Variants in CD96 observed in about 807,000 individuals in gnomAD.
CD96 encodes the protein T-cell surface protein tactile.
A neutral mutation model predicts 71.3 loss-of-function variants in CD96; 70 were observed. The observed-to-expected ratio is 0.98, with a 90% confidence interval of 0.81 to 1.20. CD96 has a LOEUF of 1.20. Among genes scored for constraint, CD96 ranks in the 50% most tolerant of loss-of-function variants. CD96 has a pLI of 0.00. For missense variants in CD96, 742 were observed against 677.5 expected (o/e 1.10, Z -1.06); for synonymous variants, 248 against 233.0 (o/e 1.06, Z -0.59).
At chr3:111,626,668 T>C (rs1007168865) in intron 10 of CD96, among the ~76,000 whole-genome samples, 6 of 152,154 alleles carry the variant, frequency 3.9e-5, no homozygotes, top group Non-Finnish European at 7.3e-5. Flanking sequence ...GCAAAAACTT[T>C]AAGTAATCTA....
chr3:111,593,943 G>C (rs200363231), intron 5 of CD96: 1 of 1,613,792 alleles, frequency 6.2e-7, no homozygotes, highest in Admixed American at 1.7e-5. Flanking sequence ...CCAGGGCCAC[G>C]GCTCACCTGC....
intron 5 of CD96, among the ~76,000 whole-genome samples, chr3:111,589,238 C>T (rs1936861408): frequency 6.6e-6 from 1 of 152,156 alleles, no homozygotes; most frequent in South Asian, 2.1e-4. Flanking sequence ...GCATGAGCCA[C>T]CATGCCCGGC....
intron 14 of CD96, among the ~76,000 whole-genome samples, chr3:111,662,368 C>A (rs778743671): frequency 1.3e-5 from 2 of 152,216 alleles, no homozygotes; most frequent in African/African-American, 4.8e-5. Flanking sequence ...ACATTCAGCT[C>A]TTCTTTACTT....
At chr3:111,587,228 AC>A (rs1271986330) in intron 5 of CD96, among the ~76,000 whole-genome samples, 1 of 152,162 alleles carries the variant, frequency 6.6e-6, no homozygotes, top group African/African-American at 2.4e-5. Flanking sequence ...AGGCAGCTCC[AC>A]CCCTGTGGCT....
chr3:111,579,468 A>G (rs1472595561), intron 4 of CD96: 2 of 592,996 alleles, frequency 3.4e-6, no homozygotes, highest in East Asian at 3.1e-5. Flanking sequence ...AATTTTCTGT[A>G]TTGGTCAGTT....
At chr3:111,583,319 C>T (rs1936555533) in intron 4 of CD96, among the ~76,000 whole-genome samples, 1 of 152,224 alleles carries the variant, frequency 6.6e-6, no homozygotes, top group East Asian at 1.9e-4. Context: ...AGGGTACAGC[C>T]TCCCTCCTGG....
At chr3:111,545,776 C>T (rs892048796) in intron 2 of CD96, among the ~76,000 whole-genome samples, 6 of 152,070 alleles carry the variant, frequency 3.9e-5, no homozygotes, top group Non-Finnish European at 2.9e-5. Flanking sequence ...GAGAAAAGAG[C>T]TTGCATGAAG....
chr3:111,664,869 A>G (rs542181797), intron 14 of CD96, among the ~76,000 whole-genome samples: 3 of 152,334 alleles, frequency 2.0e-5, no homozygotes, highest in East Asian at 3.9e-4. Context: ...TCAACTGACA[A>G]AATTAGAATA....
At chr3:111,646,815 C>A (rs1233169946) in intron 12 of CD96, among the ~76,000 whole-genome samples, 1 of 151,974 alleles carries the variant, frequency 6.6e-6, no homozygotes, top group Admixed American at 6.6e-5. Context: ...TGGAACTAAC[C>A]TAAACACCCA....
intron 2 of CD96, among the ~76,000 whole-genome samples, chr3:111,551,247 G>A (rs1934685355): frequency 6.6e-6 from 1 of 152,138 alleles, no homozygotes; most frequent in African/African-American, 2.4e-5. Context: ...ATGTGATTGT[G>A]AGAGTAGATG....
At chr3:111,604,750 A>G (rs1463952825) in intron 7 of CD96, among the ~76,000 whole-genome samples, 1 of 152,226 alleles carries the variant, frequency 6.6e-6, no homozygotes, top group Non-Finnish European at 1.5e-5. Context: ...TGTTCCAGGA[A>G]CTGGCAACCT....
intron 4 of CD96, 136 bp downstream of exon 4, chr3:111,579,370 C>G: frequency 1.4e-6 from 1 of 723,082 alleles, no homozygotes. Context: ...TCCCTGGATA[C>G]TTGTCATTCT....
rs756025417 is a variant in CD96, at chr3:111,600,780, A to T, written c.953A>T (p.Lys318Met). Residue 318 changes from lysine to methionine, a missense_variant, in exon 7 of 14, where the codon AAG (lysine) becomes ATG (methionine). Transcript: ENST00000352690. ...GGCAAAGATGGATTTTTGGAACTGA[A>T]GTCTGTTTTAACAAGGGTACATAGT... The part of the protein sequence containing the change: ...RKGKDGFLEL[K>M]SVLTRVHSNK... 1.2e-6 allele frequency: 2 copies of T among 1,613,624 alleles called. No individual in the cohort carries two copies. The highest frequency in any genetic ancestry group is 4.5e-5 in the East Asian group (2 of 44,852).
intron 8 of CD96, among the ~76,000 whole-genome samples, chr3:111,618,864 C>T (rs1158317119): frequency 6.6e-6 from 1 of 152,118 alleles, no homozygotes; most frequent in East Asian, 1.9e-4. Context: ...AGCCACTGCG[C>T]CCGGCCTCGC....
chr3:111,593,406 T>C, intron 5 of CD96: 6 of 1,069,106 alleles, frequency 5.6e-6, no homozygotes, highest in Non-Finnish European at 7.7e-6. Flanking sequence ...CCTGCTCAGA[T>C]TAACTCATAC....
At chr3:111,649,040 G>A (rs1165606244) in intron 13 of CD96, among the ~76,000 whole-genome samples, 1 of 152,190 alleles carries the variant, frequency 6.6e-6, no homozygotes, top group Non-Finnish European at 1.5e-5. Flanking sequence ...CGGGGATTGA[G>A]AAGAGCTTTA....
chr3:111,562,070 C>T (rs921533921), intron 2 of CD96, among the ~76,000 whole-genome samples: 2 of 152,256 alleles, frequency 1.3e-5, no homozygotes, highest in African/African-American at 2.4e-5. Context: ...CTTCGGCTCC[C>T]GCACGGTGCG....
intron 3 of CD96, among the ~76,000 whole-genome samples, chr3:111,574,409 A>G (rs1936129606): frequency 6.6e-6 from 1 of 152,226 alleles, no homozygotes. Flanking sequence ...CCAAAATCCA[A>G]AACATCTGAG....
intron 3 of CD96, among the ~76,000 whole-genome samples, chr3:111,570,229 C>A (rs1269464068): frequency 1.3e-5 from 2 of 152,116 alleles, no homozygotes; most frequent in Non-Finnish European, 2.9e-5. Flanking sequence ...CAGCAGGGAG[C>A]CCTTAGTGCC....
Sources: gnomAD v4.1 joint callset for allele counts (sites outside exome capture counted in the v4.1 genomes callset) on GRCh38, gnomAD v4.1.1 for gene constraint, MANE v1.5 for transcripts, NCBI Gene and HGNC (gene_info 2026-07-23, HGNC 2026-07-21) for gene names.